NUDT3: variants seen among roughly 807,000 people sequenced by gnomAD.
NUDT3 encodes the protein nudix hydrolase 3, also known as diphosphoinositol polyphosphate phosphohydrolase 1.
A neutral mutation model predicts 23.6 loss-of-function variants in NUDT3; 9 were observed. The ratio of observed to expected loss-of-function variants is 0.38; its 90% confidence interval spans 0.23 to 0.66. The LOEUF (loss-of-function observed/expected upper bound fraction) is 0.66. NUDT3 is among the 30% of genes least tolerant of loss of function. The pLI is 0.52. For missense variants in NUDT3, 172 were observed against 218.5 expected, an observed-to-expected ratio of 0.79 and a Z score of 1.34; for synonymous variants, 86 against 82.6, an observed-to-expected ratio of 1.04 and a Z score of -0.22.
At chr6:34,330,173 G>A (rs895089905) in intron 2 of NUDT3, among the ~76,000 whole-genome samples, 32 of 152,172 alleles carry the variant, frequency 2.1e-4, no homozygotes, top group African/African-American at 7.2e-4. Context: ...CCAGTAATGG[G>A]ATGGCTGGAT....
chr6:34,359,765 A>G (rs953443294), intron 1 of NUDT3, among the ~76,000 whole-genome samples: 1 of 152,170 alleles, frequency 6.6e-6, no homozygotes, highest in African/African-American at 2.4e-5. Flanking sequence ...AAGCTTTTCA[A>G]TCCCTTTAAG....
intron 2 of NUDT3, 91 bp from the exon 3 acceptor site, chr6:34,295,776 A>G: frequency 6.6e-7 from 1 of 1,523,574 alleles, no homozygotes; most frequent in Non-Finnish European, 9.0e-7. Flanking sequence ...AAATAGAAAC[A>G]AAAAACAAGA....
chr6:34,343,075 C>T (rs896801272), intron 1 of NUDT3, among the ~76,000 whole-genome samples: 12 of 152,104 alleles, frequency 7.9e-5, no homozygotes, highest in Admixed American at 5.9e-4. Context: ...GAAGGAAATC[C>T]ATGAATCCAT....
intron 2 of NUDT3, among the ~76,000 whole-genome samples, chr6:34,340,308 A>T (rs774389427): frequency 2.0e-5 from 3 of 152,208 alleles, no homozygotes; most frequent in Non-Finnish European, 4.4e-5. Flanking sequence ...AAGGGGCATA[A>T]TATTATTTTC....
intron 1 of NUDT3, among the ~76,000 whole-genome samples, chr6:34,385,214 T>C (rs1765085608): frequency 6.6e-6 from 1 of 152,106 alleles, no homozygotes; most frequent in Non-Finnish European, 1.5e-5. Flanking sequence ...CTCAACACTT[T>C]GGGAGGCCAA....
In NUDT3 at chr6:34,291,226, T is replaced by G. The variant is rs567781658; in HGVS notation, c.340+2225A>C. Among the ~76,000 whole-genome samples, 3 of 152,224 alleles carry G rather than the reference T, an allele frequency of 2.0e-5. No homozygotes were observed. In the East Asian group the frequency reaches 5.8e-4, roughly 29 times the overall value. On this transcript the variant is annotated intron_variant, in intron 4 of 4. Transcript: ENST00000607016. ...CACCCGCCTTGGCCTCCCAAAGTGCTGGGATTACAAACGTGATCCACCATG... is the reference window on the plus strand; with the variant it reads ...CACCCGCCTTGGCCTCCCAAAGTGCGGGGATTACAAACGTGATCCACCATG...
Position 34,342,001 on chromosome 6 carries a change from G to T in NUDT3, c.100-29C>A, listed in dbSNP as rs767213594. On this transcript the variant is annotated intron_variant, in intron 1 of 4. Coordinates refer to ENST00000607016, the MANE Select transcript of NUDT3 (RefSeq NM_006703.4). ...TTAAGTCACAAAGGTTGCATGGGGGGGTTAAAAATTCAAAGACACATCCAC... is the reference window on the plus strand; with the variant it reads ...TTAAGTCACAAAGGTTGCATGGGGGTGTTAAAAATTCAAAGACACATCCAC... 7 of 1,594,518 alleles carry T rather than the reference G, an allele frequency of 4.4e-6. No homozygotes were observed. In the East Asian group the frequency reaches 1.1e-4, roughly 26 times the overall value.
intron 2 of NUDT3, among the ~76,000 whole-genome samples, chr6:34,326,149 T>A (rs1411627241): frequency 2.6e-5 from 4 of 151,008 alleles, no homozygotes; most frequent in Non-Finnish European, 4.4e-5. Flanking sequence ...GCCATCTACA[T>A]AAAGCCTGCT....
intron 1 of NUDT3, among the ~76,000 whole-genome samples, chr6:34,389,685 C>T (rs1169688783): frequency 6.6e-6 from 1 of 151,890 alleles, no homozygotes; most frequent in Non-Finnish European, 1.5e-5. Context: ...AAATAAAGGT[C>T]GGGCACAGTG....
chr6:34,319,765 TG>T (rs34332009), intron 2 of NUDT3, among the ~76,000 whole-genome samples: 1 of 152,134 alleles, frequency 6.6e-6, no homozygotes, highest in East Asian at 1.9e-4. Flanking sequence ...CTCTAACATA[TG>T]GGGTATGACC....
At chr6:34,297,789 G>T (rs1283433629) in intron 2 of NUDT3, among the ~76,000 whole-genome samples, 1 of 127,944 alleles carries the variant, frequency 7.8e-6, no homozygotes, top group Non-Finnish European at 1.6e-5. Context: ...TAGAGACGGG[G>T]TTTCATCATA....
rs2113686383 is a variant in NUDT3 at position 34,284,538 on chromosome 6, T to TTG, written c.*4214_*4215insCA. ...ATGTGGCTTAGGCTAAGCTGTTTTTTTTTTTTTTTTTTTAAAGATGAGGAT... is the reference window on the plus strand; with the variant it reads ...ATGTGGCTTAGGCTAAGCTGTTTTTTTGTTTTTTTTTTTTTAAAGATGAGGAT... On this transcript the variant is annotated 3_prime_UTR_variant, in exon 5 of 5. Transcript: ENST00000607016. 6.6e-6 allele frequency: 1 copy of TTG among 151,924 alleles called. No individual in the cohort carries two copies. Among genetic ancestry groups the TTG allele is most frequent in the African/African-American group, 2.4e-5 (1 of 41,430 alleles). The allele number at this position is 151,924 out of a possible 1,614,324, so 9.4% of individuals were successfully genotyped here.
chr6:34,322,508 C>T (rs546351742), intron 2 of NUDT3, among the ~76,000 whole-genome samples: 42 of 152,314 alleles, frequency 2.8e-4, no homozygotes, highest in Admixed American at 1.1e-3. Flanking sequence ...GGACTACAGG[C>T]ATGAGCCACT....
chr6:34,330,200 T>A (rs1441856446), intron 2 of NUDT3, among the ~76,000 whole-genome samples: 1 of 152,214 alleles, frequency 6.6e-6, no homozygotes, highest in Non-Finnish European at 1.5e-5. Flanking sequence ...GTATTTCTAG[T>A]TCTAGATCCT....
chr6:34,314,282 G>A (rs1763825573), intron 2 of NUDT3, among the ~76,000 whole-genome samples: 1 of 151,794 alleles, frequency 6.6e-6, no homozygotes, highest in Admixed American at 6.6e-5. Flanking sequence ...GCCGGGCGCA[G>A]TGGCTCACAC....
chr6:34,305,800 T>C (rs1309781151), intron 2 of NUDT3, among the ~76,000 whole-genome samples: 1 of 152,252 alleles, frequency 6.6e-6, no homozygotes, highest in Non-Finnish European at 1.5e-5. Context: ...GAACATTTTT[T>C]TGTTTCCAAA....
chr6:34,365,067 A>G (rs959242684), intron 1 of NUDT3, among the ~76,000 whole-genome samples: 2 of 152,190 alleles, frequency 1.3e-5, no homozygotes, highest in African/African-American at 4.8e-5. Flanking sequence ...AATCAGTAAA[A>G]TATTAGTCCA....
At chr6:34,377,828 G>A (rs1305220919) in intron 1 of NUDT3, among the ~76,000 whole-genome samples, 2 of 134,890 alleles carry the variant, frequency 1.5e-5, no homozygotes, top group African/African-American at 2.8e-5. Flanking sequence ...GGGAGACTCC[G>A]TCTCAAAAAA....
At chr6:34,299,332 G>A (rs1004281232) in intron 2 of NUDT3, among the ~76,000 whole-genome samples, 1 of 152,192 alleles carries the variant, frequency 6.6e-6, no homozygotes, top group Non-Finnish European at 1.5e-5. Context: ...TCTAGAGAGG[G>A]AGTCTTTATT....
Sources: allele counts gnomAD v4.1 joint callset (sites outside exome capture counted in the v4.1 genomes callset), GRCh38; gene constraint gnomAD v4.1.1; transcripts MANE v1.5; gene names NCBI Gene and HGNC (gene_info 2026-07-23, HGNC 2026-07-21).